The following PCDHA9 variants were observed in gnomAD, a reference collection of about 807,000 sequenced individuals.
The protein encoded by PCDHA9 is protocadherin alpha-9.
In PCDHA9, 62 loss-of-function variants were observed where a neutral mutation model predicts 62.0. That is an observed-to-expected ratio of 1.00 (90% CI 0.81 to 1.23). The LOEUF (loss-of-function observed/expected upper bound fraction) is 1.23, where lower values mean the gene tolerates loss of function less well. PCDHA9 is among the 50% of genes most tolerant of loss of function. The pLI is 0.00. For missense variants in PCDHA9, 1,205 were observed against 1,249.8 expected (o/e 0.96, Z 0.54); for synonymous variants, 557 against 567.6 (o/e 0.98, Z 0.27).
At chr5:140,882,713 G>T (rs1554175318) in intron 1 of PCDHA9, 6 of 1,614,198 alleles carry the variant, frequency 3.7e-6, no homozygotes, top group African/African-American at 1.3e-5. Context: ...TAGACCTCCG[G>T]AAACTCGATT....
Position 140,850,090 on chromosome 5 carries a change from A to G in PCDHA9, c.1595A>G (p.Gln532Arg), listed in dbSNP as rs2150466556. ...PLDHEELELL[Q>R]FQVSARDAGV... ...GACCACGAGGAGCTGGAGCTGCTACAGTTCCAGGTGAGCGCGCGCGACGCG... is the reference window on the plus strand; with the variant it reads ...GACCACGAGGAGCTGGAGCTGCTACGGTTCCAGGTGAGCGCGCGCGACGCG... Residue 532 changes from glutamine to arginine, a missense_variant, in exon 1 of 4, where the codon CAG (glutamine) becomes CGG (arginine). Around this residue, in one of 3 missense-constraint regions of PCDHA9, gnomAD observed 887 missense variants for 809.5 expected, o/e 1.10. Coordinates refer to ENST00000532602, the MANE Select transcript of PCDHA9 (RefSeq NM_031857.2). The G allele has an allele frequency of 6.3e-7, 1 of 1,596,664 alleles. No homozygotes were observed. The highest frequency in any genetic ancestry group is 1.7e-5 in the Admixed American group (1 of 59,326).
At position 141,010,262 on chromosome 5, in the gene PCDHA9, C is replaced by A; in HGVS notation, c.*325C>A. 4 of 1,551,728 alleles carry A rather than the reference C, an allele frequency of 2.6e-6. No homozygotes were observed. Among genetic ancestry groups the A allele is most frequent in the Non-Finnish European group, 3.5e-6 (4 of 1,146,994 alleles). On this transcript the variant is annotated 3_prime_UTR_variant, in exon 4 of 4. Transcript: ENST00000532602. ...GAGGTTGGACTCTCTGCCCTGTGCT[C>A]CGGGGATCCTGTCTTGATGACACTT...
intron 1 of PCDHA9, among the ~76,000 whole-genome samples, chr5:140,902,501 A>G (rs1264806549): frequency 1.3e-5 from 2 of 152,020 alleles, no homozygotes; most frequent in Admixed American, 6.6e-5. Context: ...ACTAGCTGTG[A>G]GTCTGTCATA....
At chr5:140,941,063 TG>T (rs1554213711) in intron 1 of PCDHA9, among the ~76,000 whole-genome samples, 2 of 152,194 alleles carry the variant, frequency 1.3e-5, no homozygotes, top group East Asian at 3.8e-4. Context: ...AGCAGTTTTC[TG>T]GGCTGGAGAG....
chr5:140,970,141 G>T, intron 1 of PCDHA9, among the ~76,000 whole-genome samples: 1 of 152,166 alleles, frequency 6.6e-6, no homozygotes, highest in East Asian at 1.9e-4. Context: ...AAGGGAAAAA[G>T]AATTCTCCCA....
At chr5:140,942,600 T>A (rs943278532) in intron 1 of PCDHA9, among the ~76,000 whole-genome samples, 2 of 132,144 alleles carry the variant, frequency 1.5e-5, no homozygotes, top group African/African-American at 6.2e-5. Flanking sequence ...ATAATTATAG[T>A]GTTTATATTT....
intron 1 of PCDHA9, chr5:140,883,720 A>G (rs782338608): frequency 4.3e-6 from 7 of 1,613,566 alleles, no homozygotes; most frequent in Middle Eastern, 1.7e-4. Flanking sequence ...ACGCGGACGC[A>G]CAGGAGAACG....
In PCDHA9 at chr5:141,011,722, G is replaced by T. The variant is rs1229946779; in HGVS notation, c.*1785G>T. On this transcript the variant is annotated 3_prime_UTR_variant, in exon 4 of 4. Transcript: ENST00000532602. Reference sequence around the variant, plus strand: ...TGAATACTGACAATATTCCATGAGGGTGTGCAAGCACAAATTTTACCAATC... The same window carrying T: ...TGAATACTGACAATATTCCATGAGGTTGTGCAAGCACAAATTTTACCAATC... The T allele has an allele frequency of 6.5e-6, 1 of 153,690 alleles. No homozygotes were observed. The highest frequency in any genetic ancestry group is 1.5e-5 in the Non-Finnish European group (1 of 68,018). 9.5% of individuals were successfully genotyped at this position (153,690 alleles called of 1,614,324 possible).
At chr5:140,862,620 G>C in intron 1 of PCDHA9, 1 of 528,384 alleles carries the variant, frequency 1.9e-6, no homozygotes, top group Non-Finnish European at 3.8e-6. Context: ...GTAACAACCC[G>C]CGGGGCTGCC....
At chr5:140,949,042 G>A (rs2094338452) in intron 1 of PCDHA9, among the ~76,000 whole-genome samples, 2 of 151,644 alleles carry the variant, frequency 1.3e-5, no homozygotes, top group African/African-American at 2.4e-5. Flanking sequence ...TTAAAAGTAT[G>A]TTCTAATTTC....
chr5:140,976,023 A>C (rs907977893), intron 1 of PCDHA9, among the ~76,000 whole-genome samples: 1 of 152,206 alleles, frequency 6.6e-6, no homozygotes, highest in Non-Finnish European at 1.5e-5. Flanking sequence ...AAATAATCAC[A>C]GTTATTTCAA....
intron 1 of PCDHA9, chr5:140,926,550 C>A (rs1235832737): frequency 1.7e-5 from 4 of 233,488 alleles, no homozygotes; most frequent in Admixed American, 5.6e-5. Context: ...TGGTCGAGAC[C>A]CCAGCCCGCT....
chr5:141,009,702 C>T lies in PCDHA9; in HGVS notation c.2618C>T (p.Pro873Leu). 1 of 1,614,056 alleles carries T rather than the reference C, an allele frequency of 6.2e-7. No individual in the cohort carries two copies. The highest frequency in any genetic ancestry group is 8.5e-7 in the Non-Finnish European group (1 of 1,180,028). The change falls in exon 4 of 4, where the codon CCA becomes CTA. Residue 873 changes from proline to leucine, a missense_variant. Transcript: ENST00000532602. ...AACAGCTGGACCTTTAAATACGGAC[C>T]AGGCAACCCCAAACAATCCGGTCCC... is the stretch of plus-strand genomic sequence containing the variant. The part of the protein sequence containing the change: ...NSNSWTFKYG[P>L]GNPKQSGPGE...
chr5:140,854,159 CA>C (rs59855104), intron 1 of PCDHA9: 9,606 of 340,020 alleles, frequency 0.028, 6 homozygotes, highest in Non-Finnish European at 0.032. Context: ...GATTCTGTCT[CA>C]AAAAAAAAAA....
intron 1 of PCDHA9, among the ~76,000 whole-genome samples, chr5:140,943,423 T>C (rs782562871): frequency 5.3e-5 from 8 of 152,080 alleles, no homozygotes; most frequent in Non-Finnish European, 7.4e-5. Context: ...GGCAAGGGCT[T>C]TAATATGATA....
At chr5:140,927,822 T>C in intron 1 of PCDHA9, 1 of 1,614,152 alleles carries the variant, frequency 6.2e-7, no homozygotes, top group Non-Finnish European at 8.5e-7. Context: ...AGGCATACAT[T>C]GAGGCGAGGG....
intron 1 of PCDHA9, chr5:140,967,023 G>C: frequency 6.2e-7 from 1 of 1,608,162 alleles, no homozygotes; most frequent in Non-Finnish European, 8.5e-7. Context: ...GGTGCGCCCA[G>C]TCCGCGCTAC....
Position 140,915,075 on chromosome 5 carries a change from A to T in PCDHA9, c.2395-63874A>T, listed in dbSNP as rs111889109. ...ATTCTCCTGCCTTAGCCTACTGAGTAGCTGGGACTATGGGCACGCACCACC... is the reference window on the plus strand; with the variant it reads ...ATTCTCCTGCCTTAGCCTACTGAGTTGCTGGGACTATGGGCACGCACCACC... On this transcript the variant is annotated intron_variant, in intron 1 of 3. Transcript: ENST00000532602. 7.1e-3 allele frequency among the ~76,000 whole-genome samples: 1,070 copies of T among 151,432 alleles called. 10 individuals are homozygous for T. The highest frequency in any genetic ancestry group is 0.025 in the African/African-American group (1,035 of 41,220).
chr5:140,907,554 A>G (rs1554193052), intron 1 of PCDHA9, among the ~76,000 whole-genome samples: 2 of 152,224 alleles, frequency 1.3e-5, no homozygotes, highest in African/African-American at 2.4e-5. Context: ...AAGAGGTCCA[A>G]TATAATCAAC....
Sources: gnomAD v4.1 joint callset for allele counts (sites outside exome capture counted in the v4.1 genomes callset) on GRCh38, gnomAD v4.1.1 for gene constraint, gnomAD v4.1.1 regional missense constraint, MANE v1.5 for transcripts, NCBI Gene and HGNC (gene_info 2026-07-23, HGNC 2026-07-21) for gene names.